Variants in CTNND2 observed in about 807,000 individuals in gnomAD.
CTNND2 encodes catenin delta 2, also known as catenin delta-2.
A neutral mutation model predicts 144.4 loss-of-function variants in CTNND2; 22 were observed. The ratio of observed to expected loss-of-function variants is 0.15; its 90% CI spans 0.11 to 0.22. The LOEUF (loss-of-function observed/expected upper bound fraction) is 0.22. Ranked by LOEUF, CTNND2 falls within the 10% of genes least tolerant of loss-of-function variation. The pLI is 1.00. For missense variants in CTNND2, 1,353 were observed against 1,618.8 expected (o/e 0.84, Z 2.82); for synonymous variants, 751 against 695.6 (o/e 1.08, Z -1.25).
chr5:11,456,635 G>A (rs1393439241), intron 3 of CTNND2, among the ~76,000 whole-genome samples: 2 of 152,070 alleles, frequency 1.3e-5, no homozygotes, highest in Non-Finnish European at 2.9e-5. Flanking sequence ...TACATCCAGG[G>A]TGAAGGTATG....
At chr5:11,610,385 C>T (rs945968438) in intron 2 of CTNND2, among the ~76,000 whole-genome samples, 8 of 152,076 alleles carry the variant, frequency 5.3e-5, no homozygotes, top group East Asian at 1.9e-4. Context: ...TGAGAATAGC[C>T]GATTTTCACA....
chr5:11,056,655 T>A (rs138423444), intron 16 of CTNND2, among the ~76,000 whole-genome samples: 3 of 152,318 alleles, frequency 2.0e-5, no homozygotes, highest in South Asian at 2.1e-4. Flanking sequence ...CATTGCACAA[T>A]CTTAATAGCA....
chr5:11,609,114 C>T (rs1298950004), intron 2 of CTNND2, among the ~76,000 whole-genome samples: 2 of 152,186 alleles, frequency 1.3e-5, no homozygotes, highest in Admixed American at 1.3e-4. Context: ...CTGCCCAAGT[C>T]TCTCTGGTTC....
chr5:11,391,863 C>T (rs1039584541), intron 6 of CTNND2, among the ~76,000 whole-genome samples: 4 of 152,160 alleles, frequency 2.6e-5, no homozygotes, highest in East Asian at 1.9e-4. Flanking sequence ...GTCCCACTGA[C>T]ACTGAAAGGT....
chr5:11,455,423 T>C (rs892765729), intron 3 of CTNND2, among the ~76,000 whole-genome samples: 5 of 152,218 alleles, frequency 3.3e-5, no homozygotes, highest in Non-Finnish European at 7.3e-5. Flanking sequence ...CTTTCCATTG[T>C]GGGTGGAAAT....
rs1753681739 is a variant in CTNND2 at position 11,117,528 on chromosome 5, C to T, written c.2199G>A (p.Met733Ile). The change falls in exon 13 of 22, where the codon ATG (methionine) becomes ATA (isoleucine). Residue 733 changes from methionine to isoleucine, a missense_variant. Around this residue, in one of 4 missense-constraint regions of CTNND2, gnomAD observed 459 missense variants for 674.3 expected, o/e 0.68. Coordinates refer to ENST00000304623, the MANE Select transcript of CTNND2 (RefSeq NM_001332.4). ...CATCCGTAAGCCCATCACACTCTCT[C>T]ATCCTTCTGCGGGCCTCCTCTCCGG... The part of the protein sequence containing the change: ...SSAGEEARRR[M>I]RECDGLTDAL... 3.1e-6 allele frequency: 5 copies of T among 1,614,204 alleles called. No individual in the cohort carries two copies. The highest frequency in any genetic ancestry group is 4.2e-6 in the Non-Finnish European group (5 of 1,180,028).
intron 1 of CTNND2, among the ~76,000 whole-genome samples, chr5:11,763,967 T>C (rs1208952352): frequency 6.6e-6 from 1 of 151,978 alleles, no homozygotes. Flanking sequence ...GAATATATTA[T>C]GTTAAATGGC....
Position 11,274,579 on chromosome 5 carries a change from G to T in CTNND2, c.1629-37756C>A, listed in dbSNP as rs1311434. Reference sequence around the variant, plus strand: ...TTCACAGAAAGTTGATTTTGCTTTCGTTTTTTTTTTTTTTAAAAAGGCAAC... The same window carrying T: ...TTCACAGAAAGTTGATTTTGCTTTCTTTTTTTTTTTTTTTAAAAAGGCAAC... On this transcript the variant is annotated intron_variant, in intron 9 of 21. Transcript: ENST00000304623. Among the ~76,000 whole-genome samples the T allele has an allele frequency of 3.1e-3, 445 of 144,382 alleles. 2 individuals carry two copies. The highest frequency in any genetic ancestry group is 0.01 in the African/African-American group (413 of 39,502). The allele number at this position is 144,382 out of a possible 152,430, so 94.7% of individuals were successfully genotyped here.
intron 8 of CTNND2, 92 bp from the exon 9 acceptor site, chr5:11,346,719 C>G: frequency 8.2e-7 from 1 of 1,225,482 alleles, no homozygotes; most frequent in Non-Finnish European, 1.1e-6. Context: ...GGAAGTTACA[C>G]ACATAAAAAA....
intron 1 of CTNND2, among the ~76,000 whole-genome samples, chr5:11,882,327 G>T (rs1383185731): frequency 6.6e-6 from 1 of 151,926 alleles, no homozygotes; most frequent in Non-Finnish European, 1.5e-5. Flanking sequence ...TTTCACCAAT[G>T]TTTTCTTTTA....
At chr5:11,515,506 T>G (rs1012808980) in intron 3 of CTNND2, among the ~76,000 whole-genome samples, 3 of 152,324 alleles carry the variant, frequency 2.0e-5, no homozygotes, top group African/African-American at 7.2e-5. Context: ...GATGTTATAA[T>G]TAAGGGACAG....
intron 1 of CTNND2, among the ~76,000 whole-genome samples, chr5:11,806,892 T>C (rs1286678073): frequency 6.6e-6 from 1 of 152,062 alleles, no homozygotes; most frequent in Non-Finnish European, 1.5e-5. Flanking sequence ...ATGGGCAGGG[T>C]TGAGGATAGA....
chr5:11,423,354 A>C (rs943871439), intron 3 of CTNND2, among the ~76,000 whole-genome samples: 1 of 152,232 alleles, frequency 6.6e-6, no homozygotes, highest in African/African-American at 2.4e-5. Flanking sequence ...AGCTCACTGC[A>C]TCTCTCAGGT....
chr5:11,321,050 A>T (rs185049777), intron 9 of CTNND2, among the ~76,000 whole-genome samples: 13 of 152,306 alleles, frequency 8.5e-5, no homozygotes, highest in African/African-American at 2.9e-4. Flanking sequence ...TTTCTCAAAT[A>T]AATGCAGAGC....
intron 16 of CTNND2, among the ~76,000 whole-genome samples, chr5:11,074,847 C>T (rs61750302): frequency 0.016 from 2,408 of 152,142 alleles, 62 homozygotes; most frequent in African/African-American, 0.054. Context: ...AATCTTTGTC[C>T]GGAAACAGTC....
chr5:11,438,857 A>AGT (rs944081880), intron 3 of CTNND2, among the ~76,000 whole-genome samples: 41 of 152,264 alleles, frequency 2.7e-4, no homozygotes, highest in African/African-American at 9.6e-4. Context: ...TTTTATGGAA[A>AGT]GTCTAAACTA....
intron 2 of CTNND2, among the ~76,000 whole-genome samples, chr5:11,651,376 A>G (rs1428338720): frequency 6.6e-6 from 1 of 152,226 alleles, no homozygotes; most frequent in African/African-American, 2.4e-5. Flanking sequence ...ATGCCTGGAT[A>G]TGCAGGCAAA....
intron 1 of CTNND2, among the ~76,000 whole-genome samples, chr5:11,759,570 C>A (rs57182282): frequency 0.88 from 133,467 of 151,974 alleles, 60,720 homozygotes; most frequent in Non-Finnish European, 0.99. Flanking sequence ...ATTAATTTCT[C>A]TGTCTTAGAT....
intron 18 of CTNND2, among the ~76,000 whole-genome samples, chr5:10,997,549 AC>A (rs1739482508): frequency 6.6e-6 from 1 of 151,652 alleles, no homozygotes; most frequent in Non-Finnish European, 1.5e-5. Context: ...CTGAGATCAC[AC>A]CACTGCACTC....
Sources: gnomAD v4.1 joint callset for allele counts (sites outside exome capture counted in the v4.1 genomes callset) on GRCh38, gnomAD v4.1.1 for gene constraint, gnomAD v4.1.1 regional missense constraint, MANE v1.5 for transcripts, NCBI Gene and HGNC (gene_info 2026-07-23, HGNC 2026-07-21) for gene names.